Variants in MELK observed in about 807,000 individuals in gnomAD.
MELK encodes maternal embryonic leucine zipper kinase.
Under a neutral mutation model 85.0 loss-of-function variants are expected in MELK, and 81 were observed. That is an observed-to-expected ratio of 0.95 (90% CI 0.80 to 1.15). MELK has a LOEUF of 1.15. Ranked by LOEUF, MELK falls within the 50% of genes most tolerant of loss-of-function variation. The probability of loss-of-function intolerance (pLI) is 0.00; values close to 1 mark genes in which losing one functional copy is unlikely to be tolerated. For missense variants in MELK, 754 were observed against 777.5 expected, an observed-to-expected ratio of 0.97 and a Z score of 0.36; for synonymous variants, 252 against 265.0, an observed-to-expected ratio of 0.95 and a Z score of 0.48.
Position 36,663,498 on chromosome 9 carries a change from C to G in MELK, c.1177-1852C>G, listed in dbSNP as rs760634073. 4.4e-4 allele frequency among the ~76,000 whole-genome samples: 67 copies of G among 152,166 alleles called. 1 individual carries two copies. Among genetic ancestry groups the G allele is most frequent in the Non-Finnish European group, 9.0e-4 (61 of 68,038 alleles). On this transcript the variant is annotated intron_variant, in intron 13 of 17. Coordinates refer to ENST00000298048, the MANE Select transcript of MELK (RefSeq NM_014791.4). ...CAGCTGAATAATGTACATCGCACCC[C>G]TTAAGTAATTTCTCATCACCAACCC...
intron 13 of MELK, among the ~76,000 whole-genome samples, chr9:36,658,241 T>G (rs1831447140): frequency 6.6e-6 from 1 of 152,140 alleles, no homozygotes. Context: ...CCCACTCTCT[T>G]TATTTTATCT....
intron 10 of MELK, among the ~76,000 whole-genome samples, chr9:36,638,694 G>A (rs1254940630): frequency 6.6e-6 from 1 of 152,122 alleles, no homozygotes; most frequent in Non-Finnish European, 1.5e-5. Flanking sequence ...TAAAATATAG[G>A]TAGAACTGTT....
chr9:36,618,965 T>A (rs2136172994), intron 8 of MELK, among the ~76,000 whole-genome samples: 1 of 151,826 alleles, frequency 6.6e-6, no homozygotes, highest in South Asian at 2.1e-4. Context: ...AAGTATTTTT[T>A]TTTTTTTTTT....
chr9:36,636,726 G>GGATT lies in MELK; in HGVS notation c.834+3527_834+3530dup, dbSNP rs1452403605. Among the ~76,000 whole-genome samples the GGATT allele has an allele frequency of 1.0e-4, 9 of 89,004 alleles. No homozygotes were observed. The East Asian group carries it at 3.1e-3, about 31-fold the overall frequency. The allele number at this position is 89,004 out of a possible 152,430, so 58.4% of individuals were successfully genotyped here. A position where few individuals can be genotyped will look rare whatever the true frequency, so the allele number is the denominator to read the frequency against. On this transcript the variant is annotated intron_variant, in intron 10 of 17. Coordinates refer to ENST00000298048, the MANE Select transcript of MELK (RefSeq NM_014791.4). ...ACCTGGACTTTTTTATGTAGCAACT[G>GGATT]GATTTCTTTCTTTCTTTCTTTCTTT...
At chr9:36,651,324 T>C (rs1225246130) in intron 11 of MELK, among the ~76,000 whole-genome samples, 1 of 152,196 alleles carries the variant, frequency 6.6e-6, no homozygotes, top group Non-Finnish European at 1.5e-5. Context: ...ATCATAATAA[T>C]GCAAATATTA....
In MELK at chr9:36,618,981, C is replaced by G. The variant is rs561680060; in HGVS notation, c.666+11308C>G. On this transcript the variant is annotated intron_variant, in intron 8 of 17. Transcript: ENST00000298048. The stretch of plus-strand genomic sequence containing the variant: ...AGTATTTTTTTTTTTTTTTTTGAGA[C>G]GGAGTCTTGCTCTGTTGTCCAGGCT... 1.2e-4 allele frequency among the ~76,000 whole-genome samples: 17 copies of G among 140,624 alleles called. No individual in the cohort carries two copies. In the South Asian group the frequency reaches 3.8e-3, roughly 31 times the overall value. The allele number at this position is 140,624 out of a possible 152,430, so 92.3% of individuals were successfully genotyped here. A position where few individuals can be genotyped will look rare whatever the true frequency, so the allele number is the denominator to read the frequency against.
chr9:36,606,478 CATATGTATAGGTGTGTATATAATAAAT>C (rs1825523338), intron 7 of MELK, among the ~76,000 whole-genome samples: 2 of 126,044 alleles, frequency 1.6e-5, no homozygotes, highest in Non-Finnish European at 3.2e-5. Flanking sequence ...TATATATATA[CATATGTATAGGTGTGTATATAATAAAT>C]ACATATGTAT....
At chr9:36,606,556 G>A (rs1825541368) in intron 7 of MELK, among the ~76,000 whole-genome samples, 1 of 143,050 alleles carries the variant, frequency 7.0e-6, no homozygotes, top group African/African-American at 2.6e-5. Context: ...ATGTATAGGT[G>A]TGTATATAAT....
chr9:36,619,546 C>T (rs1404519995), intron 8 of MELK, among the ~76,000 whole-genome samples: 3 of 151,996 alleles, frequency 2.0e-5, no homozygotes, highest in African/African-American at 7.3e-5. Context: ...GCATATTCAC[C>T]TTGACCATAA....
In MELK at chr9:36,612,447, G is replaced by A. The variant is rs546971455; in HGVS notation, c.666+4774G>A. 9.2e-5 allele frequency among the ~76,000 whole-genome samples: 14 copies of A among 152,082 alleles called. No individual in the cohort carries two copies. In the South Asian group the frequency reaches 2.7e-3, roughly 29 times the overall value. On this transcript the variant is annotated intron_variant, in intron 8 of 17. Coordinates refer to ENST00000298048, the MANE Select transcript of MELK (RefSeq NM_014791.4). ...GTTGCCCAGGCTGGAGTGCAGTGGC[G>A]CCATCTTGGCTCACTGCAAGCTCTG... is the stretch of plus-strand genomic sequence containing the variant.
intron 7 of MELK, among the ~76,000 whole-genome samples, chr9:36,601,532 T>A (rs954377922): frequency 1.6e-4 from 24 of 152,226 alleles, no homozygotes; most frequent in Admixed American, 2.6e-4. Flanking sequence ...TTTATCATAG[T>A]CCTGGAATCA....
chr9:36,663,588 A>G (rs1268683944), intron 13 of MELK, among the ~76,000 whole-genome samples: 1 of 152,128 alleles, frequency 6.6e-6, no homozygotes, highest in Admixed American at 6.6e-5. Context: ...ATCCACGTGT[A>G]CACCCTTTTT....
chr9:36,583,037 G>A (rs1822416866), intron 2 of MELK, among the ~76,000 whole-genome samples: 1 of 150,728 alleles, frequency 6.6e-6, no homozygotes, highest in Non-Finnish European at 1.5e-5. Flanking sequence ...GCAGTGGTGC[G>A]ATCTCGGGTC....
chr9:36,623,875 A>C (rs1294012762), intron 8 of MELK, among the ~76,000 whole-genome samples: 1 of 152,212 alleles, frequency 6.6e-6, no homozygotes, highest in Non-Finnish European at 1.5e-5. Flanking sequence ...GAGTGCTTTC[A>C]CATATATTCT....
At chr9:36,640,764 A>G (rs544056690) in intron 10 of MELK, among the ~76,000 whole-genome samples, 8 of 152,272 alleles carry the variant, frequency 5.3e-5, no homozygotes, top group Admixed American at 4.6e-4. Context: ...GGCCTCTTTT[A>G]TAAGTGTAAT....
At chr9:36,619,463 C>T (rs1827185954) in intron 8 of MELK, among the ~76,000 whole-genome samples, 1 of 152,092 alleles carries the variant, frequency 6.6e-6, no homozygotes, top group South Asian at 2.1e-4. Flanking sequence ...GCCTTCTAAC[C>T]ATACTTACTT....
At chr9:36,660,508 G>A (rs891449249) in intron 13 of MELK, among the ~76,000 whole-genome samples, 1 of 151,908 alleles carries the variant, frequency 6.6e-6, no homozygotes, top group Non-Finnish European at 1.5e-5. Context: ...ATTTTGTAGA[G>A]ACAGGGTCTC....
chr9:36,622,695 A>C (rs986978749), intron 8 of MELK, among the ~76,000 whole-genome samples: 7 of 152,230 alleles, frequency 4.6e-5, no homozygotes, highest in Admixed American at 6.5e-5. Flanking sequence ...TAACAATTAC[A>C]ATTTATAATT....
intron 10 of MELK, among the ~76,000 whole-genome samples, chr9:36,637,022 C>T (rs1490790272): frequency 2.0e-5 from 3 of 151,706 alleles, no homozygotes; most frequent in Admixed American, 6.6e-5. Flanking sequence ...TTGGTAGAGA[C>T]GGGGTTTCAC....
Sources: allele counts gnomAD v4.1 joint callset (sites outside exome capture counted in the v4.1 genomes callset), GRCh38; gene constraint gnomAD v4.1.1; transcripts MANE v1.5; gene names NCBI Gene and HGNC (gene_info 2026-07-23, HGNC 2026-07-21).